The following ARF3 variants were observed in gnomAD, a reference collection of about 807,000 sequenced individuals.
The protein encoded by ARF3 is ARF GTPase 3, also known as ADP-ribosylation factor 3.
Under a neutral mutation model 19.3 loss-of-function variants are expected in ARF3, and 5 were observed. The ratio of observed to expected loss-of-function variants is 0.26; its 90% confidence interval spans 0.14 to 0.54. The LOEUF is 0.54. Ranked by LOEUF, ARF3 falls within the 20% of genes least tolerant of loss-of-function variation. ARF3 has a pLI of 0.95. For missense variants in ARF3, 77 were observed against 234.2 expected (o/e 0.33, Z 4.38); for synonymous variants, 71 against 89.2 (o/e 0.80, Z 1.15).
chr12:48,956,674 T>G (rs1726440), intron 1 of ARF3: 2 of 152,172 alleles, frequency 1.3e-5, no homozygotes, highest in African/African-American at 2.4e-5. Flanking sequence ...ATCCCCCTCC[T>G]CCTTCTCCTG....
chr12:48,943,321 T>C (rs1022272433), intron 1 of ARF3, among the ~76,000 whole-genome samples: 4 of 152,108 alleles, frequency 2.6e-5, no homozygotes, highest in Admixed American at 6.5e-5. Context: ...GAAACAATAA[T>C]AAAATGAGGA....
chr12:48,949,387 A>G (rs901004873), intron 1 of ARF3, among the ~76,000 whole-genome samples: 13 of 151,928 alleles, frequency 8.6e-5, no homozygotes, highest in African/African-American at 3.1e-4. Context: ...CACTACACCC[A>G]GCTAATTTTT....
intron 1 of ARF3, among the ~76,000 whole-genome samples, chr12:48,947,730 A>C (rs1019267473): frequency 1.3e-5 from 2 of 152,224 alleles, no homozygotes; most frequent in African/African-American, 4.8e-5. Flanking sequence ...AAACAGTGTG[A>C]GAGTAAGAGT....
chr12:48,947,016 T>C (rs896019308), intron 1 of ARF3, among the ~76,000 whole-genome samples: 1 of 152,200 alleles, frequency 6.6e-6, no homozygotes, highest in Non-Finnish European at 1.5e-5. Flanking sequence ...AAAAACAGCT[T>C]TGTTCTTAGA....
At chr12:48,946,373 T>C (rs771829374) in intron 1 of ARF3, among the ~76,000 whole-genome samples, 1 of 152,242 alleles carries the variant, frequency 6.6e-6, no homozygotes, top group Non-Finnish European at 1.5e-5. Context: ...CCATGTATTA[T>C]ATAGCCTATA....
chr12:48,955,882 G>A (rs924451793), intron 1 of ARF3: 1 of 152,182 alleles, frequency 6.6e-6, no homozygotes, highest in East Asian at 1.9e-4. Context: ...CTGAATCCAA[G>A]GTCAATCATT....
intron 1 of ARF3, among the ~76,000 whole-genome samples, chr12:48,948,012 C>A (rs1940389185): frequency 6.6e-6 from 1 of 150,574 alleles, no homozygotes; most frequent in South Asian, 2.1e-4. Context: ...TCAAGGCCAG[C>A]CTGGGCAACA....
At chr12:48,941,639 G>C (rs1165859577) in intron 1 of ARF3, 2 of 152,188 alleles carry the variant, frequency 1.3e-5, no homozygotes, top group African/African-American at 4.8e-5. Context: ...TCCTGACAAG[G>C]TTCAGGCTTG....
chr12:48,945,596 G>A (rs949201281), intron 1 of ARF3, among the ~76,000 whole-genome samples: 3 of 151,900 alleles, frequency 2.0e-5, no homozygotes, highest in African/African-American at 4.8e-5. Flanking sequence ...GGTGGTACAT[G>A]CTTGTAGCAC....
At position 48,938,505 on chromosome 12, in the gene ARF3, G is replaced by A. The variant is rs1215001913; in HGVS notation, c.*442C>T. On this transcript the variant is annotated 3_prime_UTR_variant, in exon 5 of 5. Transcript: ENST00000256682. ...GCACACATGCACGCAAACACAGAGA[G>A]GCCCGTGCAATTTCCATGTAAAACA... 2.2e-6 allele frequency: 1 copy of A among 451,464 alleles called. No homozygotes were observed. Among genetic ancestry groups the A allele is most frequent in the Admixed American group, 2.4e-5 (1 of 42,250 alleles). The allele number at this position is 451,464 out of a possible 1,614,324, so 28.0% of individuals were successfully genotyped here. A position where few individuals can be genotyped will look rare whatever the true frequency, so the allele number is the denominator to read the frequency against.
In ARF3 at chr12:48,939,351, C is replaced by T. The variant is rs898812352; in HGVS notation, c.385-243G>A. Among the ~76,000 whole-genome samples, 1 of 152,144 alleles carries T rather than the reference C, an allele frequency of 6.6e-6. No individual in the cohort carries two copies. On this transcript the variant is annotated intron_variant, in intron 4 of 4. Coordinates refer to ENST00000256682, the MANE Select transcript of ARF3 (RefSeq NM_001659.3). This position sits in a 1 kb window ranked among gnomAD's most constrained non-coding sequence, Gnocchi z 4.8. ...ACGAGGATGGTGGGGAAGCAAGAGA[C>T]GTGATTCAGACTGACCAAAGAATCA...
chr12:48,951,208 G>A (rs1421381912), intron 1 of ARF3, among the ~76,000 whole-genome samples: 1 of 152,218 alleles, frequency 6.6e-6, no homozygotes, highest in East Asian at 1.9e-4. Context: ...TAGGGATAGT[G>A]TACACAGTGG....
At chr12:48,952,767 C>T (rs376501521) in intron 1 of ARF3, among the ~76,000 whole-genome samples, 139 of 152,310 alleles carry the variant, frequency 9.1e-4, no homozygotes, top group African/African-American at 3.2e-3. Flanking sequence ...GAGTTACCTG[C>T]GATCCCTCGG....
At chr12:48,943,494 A>C (rs1940302011) in intron 1 of ARF3, among the ~76,000 whole-genome samples, 1 of 152,216 alleles carries the variant, frequency 6.6e-6, no homozygotes. Flanking sequence ...GGACAGGTCA[A>C]GACAAAGTGC....
At chr12:48,940,195 C>G in intron 2 of ARF3, 88 bp from the exon 3 acceptor site, 2 of 1,072,058 alleles carry the variant, frequency 1.9e-6, no homozygotes, top group East Asian at 4.7e-5. Context: ...TGCTTTCCCC[C>G]AGTGGTGGCC....
In ARF3 at chr12:48,939,702, C is replaced by G. The variant is rs763829888; in HGVS notation, c.337G>C (p.Glu113Gln). Residue 113 changes from glutamate to glutamine, a missense_variant, in exon 4 of 5, where the codon GAG becomes CAG. By Grantham distance (29) the Glu-to-Gln change is conservative (BLOSUM62 2). This residue lies in a region of ARF3 where 53 missense variants were observed against 121.2 expected (regional missense o/e 0.44). Transcript: ENST00000256682. The surrounding 1 kb of genome is among the most constrained non-coding windows in gnomAD (Gnocchi z 4.8). ...AGTACAGCATCCCGGAGCTCGTCCTCCGCCAGCATTCTCATCAGCTCTTCC... is the reference window on the plus strand; with the variant it reads ...AGTACAGCATCCCGGAGCTCGTCCTGCGCCAGCATTCTCATCAGCTCTTCC... ...AREELMRMLA[E>Q]DELRDAVLLV... The G allele has an allele frequency of 6.2e-7, 1 of 1,614,192 alleles. No individual in the cohort carries two copies. Among genetic ancestry groups the G allele is most frequent in the Non-Finnish European group, 8.5e-7 (1 of 1,180,030 alleles).
chr12:48,948,915 TATGTGCTTTAG>T (rs1377084972), intron 1 of ARF3, among the ~76,000 whole-genome samples: 1 of 151,952 alleles, frequency 6.6e-6, no homozygotes, highest in Non-Finnish European at 1.5e-5. Flanking sequence ...CGTGATCAGG[TATGTGCTTTAG>T]AAGTTTCAGG....
rs752559034 is a variant in ARF3 at position 48,939,332 on chromosome 12, A to T, written c.385-224T>A. Among the ~76,000 whole-genome samples the T allele has an allele frequency of 3.3e-5, 5 of 152,182 alleles. No homozygotes were observed. Among genetic ancestry groups the T allele is most frequent in the Non-Finnish European group, 7.3e-5 (5 of 68,034 alleles). On this transcript the variant is annotated intron_variant, in intron 4 of 4. Coordinates refer to ENST00000256682, the MANE Select transcript of ARF3 (RefSeq NM_001659.3). This position sits in a 1 kb window ranked among gnomAD's most constrained non-coding sequence, Gnocchi z 4.8. ...GAAGAATTGGAAACCAAATACGAGG[A>T]TGGTGGGGAAGCAAGAGACGTGATT...
At chr12:48,945,273 C>A (rs955381966) in intron 1 of ARF3, among the ~76,000 whole-genome samples, 3 of 151,720 alleles carry the variant, frequency 2.0e-5, no homozygotes, top group African/African-American at 7.3e-5. Context: ...GGTGAAACCC[C>A]GTCTCTATTA....
Sources: gnomAD v4.1 joint callset for allele counts (sites outside exome capture counted in the v4.1 genomes callset) on GRCh38, gnomAD v4.1.1 for gene constraint, gnomAD v4.1.1 regional missense constraint, Gnocchi (gnomAD v3.1) non-coding constraint, MANE v1.5 for transcripts, NCBI Gene and HGNC (gene_info 2026-07-23, HGNC 2026-07-21) for gene names.